SLC4A10: variants seen among roughly 807,000 people sequenced by gnomAD.
SLC4A10 encodes sodium-driven chloride bicarbonate exchanger.
Under a neutral mutation model 137.7 loss-of-function variants are expected in SLC4A10, and 42 were observed. That is an observed-to-expected ratio of 0.30 (90% CI 0.24 to 0.39). SLC4A10 has a LOEUF of 0.39. Among genes scored for constraint, SLC4A10 ranks in the 10% least tolerant of loss-of-function variants. The pLI, the probability that SLC4A10 is intolerant of heterozygous loss-of-function variation, is 1.00. For missense variants in SLC4A10, 925 were observed against 1,355.0 expected, an observed-to-expected ratio of 0.68 and a Z score of 4.98; for synonymous variants, 474 against 464.1, an observed-to-expected ratio of 1.02 and a Z score of -0.27.
intron 15 of SLC4A10, among the ~76,000 whole-genome samples, chr2:161,933,191 C>A (rs1215081477): frequency 2.1e-5 from 1 of 48,130 alleles, no homozygotes; most frequent in Non-Finnish European, 4.3e-5. Context: ...TCTTTTCTTT[C>A]TTTCTTTCTT....
chr2:161,946,426 T>C (rs981717747), intron 16 of SLC4A10, among the ~76,000 whole-genome samples: 1 of 152,048 alleles, frequency 6.6e-6, no homozygotes, highest in African/African-American at 2.4e-5. Flanking sequence ...CTACAAAGAT[T>C]TCAGGCCTAA....
chr2:161,880,140 T>TA (rs1471403664), intron 9 of SLC4A10, among the ~76,000 whole-genome samples: 1 of 152,160 alleles, frequency 6.6e-6, no homozygotes, highest in Non-Finnish European at 1.5e-5. Flanking sequence ...ACTCTAGTCC[T>TA]ATTCCCACAG....
intron 5 of SLC4A10, among the ~76,000 whole-genome samples, chr2:161,862,081 T>G (rs1442515623): frequency 6.6e-6 from 1 of 152,244 alleles, no homozygotes; most frequent in African/African-American, 2.4e-5. Flanking sequence ...TTTATATCAC[T>G]AAGAAACTTA....
At chr2:161,697,389 G>A (rs1433054934) in intron 1 of SLC4A10, among the ~76,000 whole-genome samples, 1 of 152,134 alleles carries the variant, frequency 6.6e-6, no homozygotes, top group Non-Finnish European at 1.5e-5. Context: ...CCATGCCTAT[G>A]TCCTGAATGG....
At chr2:161,689,214 G>A (rs1189531517) in intron 1 of SLC4A10, among the ~76,000 whole-genome samples, 1 of 152,114 alleles carries the variant, frequency 6.6e-6, no homozygotes, top group Non-Finnish European at 1.5e-5. Context: ...TAGCCTAAGT[G>A]TATCGTACGG....
At chr2:161,906,864 C>G (rs971948899) in intron 15 of SLC4A10, among the ~76,000 whole-genome samples, 1 of 151,920 alleles carries the variant, frequency 6.6e-6, no homozygotes, top group Non-Finnish European at 1.5e-5. Context: ...ACCATCCTGG[C>G]TAACACAGTG....
intron 26 of SLC4A10, among the ~76,000 whole-genome samples, chr2:161,982,149 G>T (rs1296063425): frequency 6.6e-6 from 1 of 152,114 alleles, no homozygotes; most frequent in Non-Finnish European, 1.5e-5. Context: ...TATATTAAGG[G>T]CCGAAGTTAA....
intron 26 of SLC4A10, among the ~76,000 whole-genome samples, chr2:161,978,377 ACT>A (rs1699715006): frequency 1.1e-5 from 1 of 89,214 alleles, no homozygotes; most frequent in Non-Finnish European, 2.1e-5. Context: ...ACAGAGAGAG[ACT>A]CTGTCAAAAA....
At chr2:161,983,068 A>G (rs1700436836) in intron 26 of SLC4A10, 111 bp from the exon 27 acceptor site, 5 of 880,606 alleles carry the variant, frequency 5.7e-6, no homozygotes, top group Non-Finnish European at 5.2e-6. Context: ...AGCAATGCCT[A>G]CGGGCTCTTG....
At chr2:161,657,916 T>G (rs1238355705) in intron 1 of SLC4A10, among the ~76,000 whole-genome samples, 1 of 152,150 alleles carries the variant, frequency 6.6e-6, no homozygotes, top group Admixed American at 6.5e-5. Context: ...CAATATGCAA[T>G]TATAATTATT....
At chr2:161,732,124 C>T (rs530225898) in intron 1 of SLC4A10, among the ~76,000 whole-genome samples, 1 of 152,292 alleles carries the variant, frequency 6.6e-6, no homozygotes, top group South Asian at 2.1e-4. Flanking sequence ...CAGAAACACC[C>T]TTATCCCTGT....
intron 1 of SLC4A10, among the ~76,000 whole-genome samples, chr2:161,757,122 G>T (rs1574800311): frequency 6.6e-6 from 1 of 152,238 alleles, no homozygotes; most frequent in East Asian, 1.9e-4. Flanking sequence ...CTACTAGAGG[G>T]TGGGGAGCTG....
At chr2:161,701,302 G>T (rs2043098392) in intron 1 of SLC4A10, among the ~76,000 whole-genome samples, 3 of 151,900 alleles carry the variant, frequency 2.0e-5, no homozygotes, top group Admixed American at 2.0e-4. Flanking sequence ...TATGATCTGT[G>T]AACCTGTCTG....
At chr2:161,876,999 G>A (rs2061485561) in intron 8 of SLC4A10, among the ~76,000 whole-genome samples, 1 of 151,818 alleles carries the variant, frequency 6.6e-6, no homozygotes, top group African/African-American at 2.4e-5. Context: ...ATATTTTAAT[G>A]TTTTTTCTAA....
chr2:161,634,187 T>A (rs753650203), intron 1 of SLC4A10, among the ~76,000 whole-genome samples: 24 of 151,930 alleles, frequency 1.6e-4, no homozygotes, highest in Non-Finnish European at 3.2e-4. Context: ...CTTGTCACTC[T>A]TGAAGTGTAC....
chr2:161,751,654 G>C (rs2048994522), intron 1 of SLC4A10, among the ~76,000 whole-genome samples: 1 of 151,680 alleles, frequency 6.6e-6, no homozygotes, highest in African/African-American at 2.4e-5. Context: ...CCGCCATCTT[G>C]CTGGCATCAC....
chr2:161,932,915 T>C (rs1487700342), intron 15 of SLC4A10, among the ~76,000 whole-genome samples: 2 of 151,832 alleles, frequency 1.3e-5, no homozygotes, highest in South Asian at 4.3e-4. Flanking sequence ...ACCATTCTAC[T>C]TTCTATTTCC....
chr2:161,723,402 A>G (rs886594475), intron 1 of SLC4A10, among the ~76,000 whole-genome samples: 1 of 152,080 alleles, frequency 6.6e-6, no homozygotes, highest in Admixed American at 6.5e-5. Context: ...GGGAGCCTGG[A>G]TACTTCAGTT....
intron 1 of SLC4A10, among the ~76,000 whole-genome samples, chr2:161,667,358 C>G (rs2039166046): frequency 6.6e-6 from 1 of 151,678 alleles, no homozygotes. Flanking sequence ...ACTAATGTCT[C>G]TGCCTTCCAA....
Sources: allele counts gnomAD v4.1 joint callset (sites outside exome capture counted in the v4.1 genomes callset), GRCh38; gene constraint gnomAD v4.1.1; transcripts MANE v1.5; gene names NCBI Gene and HGNC (gene_info 2026-07-23, HGNC 2026-07-21).